TRA2B: variants seen among roughly 807,000 people sequenced by gnomAD.
The protein encoded by TRA2B is transformer 2 beta homolog.
A neutral mutation model predicts 41.7 loss-of-function variants in TRA2B; 14 were observed. That is an observed-to-expected ratio of 0.34 (90% CI 0.22 to 0.53). The LOEUF is 0.53. TRA2B is among the 20% of genes least tolerant of loss of function. The pLI is 0.95. For synonymous variants in TRA2B, 130 were observed against 128.8 expected (o/e 1.01, Z -0.06); for missense variants, 167 against 396.8 (o/e 0.42, Z 4.92).
At chr3:185,935,867 T>A in intron 1 of TRA2B, 7 of 985,298 alleles carry the variant, frequency 7.1e-6, no homozygotes, top group Non-Finnish European at 8.4e-6. Flanking sequence ...AGTTTAGAGA[T>A]CTCGGCCAGA....
At chr3:185,918,337 A>C in intron 8 of TRA2B, 28 bp downstream of exon 8, 2 of 1,542,548 alleles carry the variant, frequency 1.3e-6, no homozygotes, top group Non-Finnish European at 1.8e-6. Flanking sequence ...ACTACAATAT[A>C]AACAATCATA....
intron 1 of TRA2B, chr3:185,935,450 A>G: frequency 2.0e-6 from 2 of 985,416 alleles, no homozygotes; most frequent in Non-Finnish European, 2.4e-6. Context: ...GATCAAACTG[A>G]GAATAATTTA....
intron 1 of TRA2B, chr3:185,928,831 T>C (rs755801811): frequency 5.3e-5 from 8 of 152,200 alleles, no homozygotes; most frequent in Non-Finnish European, 8.8e-5. Context: ...AAAGGAAGAA[T>C]GGGTCAAGTC....
intron 1 of TRA2B, chr3:185,934,345 A>T (rs1744265536): frequency 1.0e-6 from 1 of 985,210 alleles, no homozygotes; most frequent in East Asian, 1.1e-4. Context: ...GGAGGAAAAA[A>T]CGCTATGTAA....
At chr3:185,921,646 C>T (rs886418100) in intron 5 of TRA2B, among the ~76,000 whole-genome samples, 3 of 152,170 alleles carry the variant, frequency 2.0e-5, no homozygotes, top group Non-Finnish European at 4.4e-5. Flanking sequence ...CGCCTGTAGT[C>T]CCAGCTACTC....
chr3:185,916,298 A>G lies in TRA2B; in HGVS notation c.*1417T>C, dbSNP rs1267836398. 1 of 152,234 alleles carries G rather than the reference A, an allele frequency of 6.6e-6. No individual in the cohort carries two copies. Among genetic ancestry groups the G allele is most frequent in the African/African-American group, 2.4e-5 (1 of 41,456 alleles). 9.4% of individuals were successfully genotyped at this position (152,234 alleles called of 1,614,324 possible). ...GTTCAATTCAGATCGTGGCATTGCC[A>G]CTTAAACAGCTATTTGAACTAAGGT... On this transcript the variant is annotated 3_prime_UTR_variant, in exon 9 of 9. Coordinates refer to ENST00000453386, the MANE Select transcript of TRA2B (RefSeq NM_004593.3).
intron 1 of TRA2B, 85 bp from the exon 2 acceptor site, chr3:185,926,819 G>C: frequency 6.6e-7 from 1 of 1,509,258 alleles, no homozygotes; most frequent in Non-Finnish European, 9.0e-7. Context: ...AAATGGTGAG[G>C]GACAGCAATC....
chr3:185,917,738 G>T lies in TRA2B; in HGVS notation c.857-13C>A, dbSNP rs774021662. 1.2e-6 allele frequency: 2 copies of T among 1,612,170 alleles called. No homozygotes were observed. Among genetic ancestry groups the T allele is most frequent in the South Asian group, 2.2e-5 (2 of 90,956 alleles). On this transcript the variant is annotated splice_polypyrimidine_tract_variant and intron_variant, in intron 8 of 8. Coordinates refer to ENST00000453386, the MANE Select transcript of TRA2B (RefSeq NM_004593.3). ...CTTTAATAGCGACCTGGGAAGAAAA[G>T]AATGAACATGCTTTAATATTAAGTG...
intron 8 of TRA2B, 39 bp from the exon 9 acceptor site, chr3:185,917,764 A>AACTAATTATCAAGTATACTTT: frequency 1.3e-6 from 2 of 1,598,368 alleles, no homozygotes; most frequent in Non-Finnish European, 1.7e-6. Context: ...ATATTAAGTG[A>AACTAATTATCAAGTATACTTT]ACTAATTATC....
chr3:185,934,397 T>C, intron 1 of TRA2B: 1 of 985,448 alleles, frequency 1.0e-6, no homozygotes, highest in Non-Finnish European at 1.2e-6. Context: ...TGAATTCCTT[T>C]TCAACCTTTT....
chr3:185,916,769 A>C lies in TRA2B; in HGVS notation c.*946T>G, dbSNP rs2150110361. ...TTTTTCTTTTCATTTGCGTTTATTT[A>C]AACACAGTTCTCAAAACATTTGAGT... On this transcript the variant is annotated 3_prime_UTR_variant, in exon 9 of 9. Transcript: ENST00000453386. 1 of 152,786 alleles carries C rather than the reference A, an allele frequency of 6.5e-6. No homozygotes were observed. The highest frequency in any genetic ancestry group is 3.4e-3 in the Middle Eastern group (1 of 294). The allele number at this position is 152,786 out of a possible 1,614,324, so 9.5% of individuals were successfully genotyped here.
Position 185,937,924 on chromosome 3 carries a change from C to T in TRA2B, c.-64G>A, listed in dbSNP as rs1176796414. ...GAAGCTGCCAACCTCTTGCACCTTC[C>T]TTAAGGAGGCTCCGCCGCAGCCCCG... On this transcript the variant is annotated 5_prime_UTR_variant, in exon 1 of 9. Coordinates refer to ENST00000453386, the MANE Select transcript of TRA2B (RefSeq NM_004593.3). 1 of 1,598,426 alleles carries T rather than the reference C, an allele frequency of 6.3e-7. No homozygotes were observed. Among genetic ancestry groups the T allele is most frequent in the Non-Finnish European group, 8.5e-7 (1 of 1,169,986 alleles).
At chr3:185,937,545 G>C in intron 1 of TRA2B, 1 of 1,004,900 alleles carries the variant, frequency 1.0e-6, no homozygotes, top group Non-Finnish European at 1.3e-6. Flanking sequence ...CGGGGACGCA[G>C]CGGCCATTTT....
intron 1 of TRA2B, among the ~76,000 whole-genome samples, chr3:185,929,544 G>C (rs970806023): frequency 1.4e-4 from 22 of 152,192 alleles, no homozygotes; most frequent in African/African-American, 5.3e-4. Flanking sequence ...AATCAATCAA[G>C]CTCTCACAGA....
intron 1 of TRA2B, chr3:185,934,693 G>T: frequency 1.0e-6 from 1 of 985,242 alleles, no homozygotes; most frequent in Non-Finnish European, 1.2e-6. Flanking sequence ...TTGAAAATTA[G>T]AATTTAGAGT....
intron 1 of TRA2B, chr3:185,936,775 T>C (rs896330182): frequency 1.3e-5 from 13 of 985,164 alleles, no homozygotes; most frequent in South Asian, 4.7e-5. Flanking sequence ...CTCTTAATTC[T>C]AGCAAGCCTC....
Position 185,915,043 on chromosome 3 carries a change from T to C in TRA2B, c.*2672A>G, listed in dbSNP as rs1743454745. Among the ~76,000 whole-genome samples the C allele has an allele frequency of 6.6e-6, 1 of 152,188 alleles. No homozygotes were observed. Among genetic ancestry groups the C allele is most frequent in the African/African-American group, 2.4e-5 (1 of 41,444 alleles). On this transcript the variant is annotated 3_prime_UTR_variant, in exon 9 of 9. Transcript: ENST00000453386. ...ATGTAGTTAGATTTCCATAAGGAAATGTGCAAGCTAGATCCCTCTCAAGCG... is the reference window on the plus strand; with the variant it reads ...ATGTAGTTAGATTTCCATAAGGAAACGTGCAAGCTAGATCCCTCTCAAGCG...
Position 185,915,965 on chromosome 3 carries a change from C to T in TRA2B, c.*1750G>A, listed in dbSNP as rs1393101306. The T allele has an allele frequency of 6.6e-6, 1 of 152,208 alleles. No individual in the cohort carries two copies. Among genetic ancestry groups the T allele is most frequent in the East Asian group, 1.9e-4 (1 of 5,208 alleles). The allele number at this position is 152,208 out of a possible 1,614,324, so 9.4% of individuals were successfully genotyped here. ...ACACAACCCCCTCTGGGACCACACCCTAAAACTCAACTTTATATATAAATA... is the reference window on the plus strand; with the variant it reads ...ACACAACCCCCTCTGGGACCACACCTTAAAACTCAACTTTATATATAAATA... On this transcript the variant is annotated 3_prime_UTR_variant, in exon 9 of 9. Transcript: ENST00000453386.
chr3:185,934,582 A>T (rs943037030), intron 1 of TRA2B: 1 of 985,280 alleles, frequency 1.0e-6, no homozygotes, highest in African/African-American at 1.7e-5. Context: ...CACAATACAA[A>T]ACAATTTCCT....
Sources: allele counts gnomAD v4.1 joint callset (sites outside exome capture counted in the v4.1 genomes callset), GRCh38; gene constraint gnomAD v4.1.1; transcripts MANE v1.5; gene names NCBI Gene and HGNC (gene_info 2026-07-23, HGNC 2026-07-21).